The following DYRK1A variants were observed in gnomAD, a reference collection of about 807,000 sequenced individuals.
The protein encoded by DYRK1A is dual specificity tyrosine phosphorylation regulated kinase 1A, also known as dual specificity tyrosine-phosphorylation-regulated kinase 1A.
DYRK1A carries 9 observed loss-of-function variants against 79.7 expected under a neutral mutation model. The ratio of observed to expected loss-of-function variants is 0.11; its 90% CI spans 0.07 to 0.20. The LOEUF (loss-of-function observed/expected upper bound fraction) is 0.20. DYRK1A is among the 10% of genes least tolerant of loss of function. The pLI, the probability that DYRK1A is intolerant of heterozygous loss-of-function variation, is 1.00. For synonymous variants in DYRK1A, 349 were observed against 329.7 expected (o/e 1.06, Z -0.63); for missense variants, 622 against 956.0 (o/e 0.65, Z 4.61).
intron 1 of DYRK1A, among the ~76,000 whole-genome samples, chr21:37,413,857 T>C (rs1397010998): frequency 6.6e-6 from 1 of 152,182 alleles, no homozygotes; most frequent in Non-Finnish European, 1.5e-5. Flanking sequence ...TTCATGGCTC[T>C]TGGTGTTTTC....
intron 1 of DYRK1A, among the ~76,000 whole-genome samples, chr21:37,403,778 T>C (rs11700902): frequency 0.084 from 12,600 of 150,424 alleles, 672 homozygotes; most frequent in Non-Finnish European, 0.11. Context: ...ATGCTTCCCT[T>C]GGAACTTTTG....
At chr21:37,486,694 T>C in intron 6 of DYRK1A, 80 bp downstream of exon 6, 1 of 1,300,888 alleles carries the variant, frequency 7.7e-7, no homozygotes, top group Non-Finnish European at 1.0e-6. Context: ...TATCAAAATA[T>C]TTTGATTTTA....
chr21:37,478,784 A>G (rs2052494592), intron 4 of DYRK1A, among the ~76,000 whole-genome samples: 1 of 152,136 alleles, frequency 6.6e-6, no homozygotes, highest in Non-Finnish European at 1.5e-5. Flanking sequence ...CTGTGATTTT[A>G]TTGTCTTTTA....
chr21:37,505,089 T>C, intron 9 of DYRK1A, 194 bp from the exon 10 acceptor site: 1 of 555,238 alleles, frequency 1.8e-6, no homozygotes. Flanking sequence ...ATTTTTGGTC[T>C]CAGAATTAAT....
intron 5 of DYRK1A, among the ~76,000 whole-genome samples, chr21:37,483,299 G>A (rs1043005646): frequency 5.3e-5 from 8 of 152,228 alleles, no homozygotes; most frequent in East Asian, 1.9e-4. Flanking sequence ...TGGTCCCTCC[G>A]TTTGGGGTCC....
intron 1 of DYRK1A, among the ~76,000 whole-genome samples, chr21:37,401,103 C>T (rs2050044281): frequency 6.6e-6 from 1 of 151,934 alleles, no homozygotes; most frequent in African/African-American, 2.4e-5. Context: ...GAGATCGTGC[C>T]ACTGCACTCC....
chr21:37,402,807 G>A (rs2050077272), intron 1 of DYRK1A, among the ~76,000 whole-genome samples: 1 of 151,970 alleles, frequency 6.6e-6, no homozygotes, highest in Non-Finnish European at 1.5e-5. Context: ...CTGTTGCCCA[G>A]GCTGGAGTGC....
rs755961402 is a variant in DYRK1A at position 37,517,304 on chromosome 21, T to C, written c.*4773T>C. 2 of 152,260 alleles carry C rather than the reference T, an allele frequency of 1.3e-5. No individual in the cohort carries two copies. The highest frequency in any genetic ancestry group is 2.4e-5 in the African/African-American group (1 of 41,440). 9.4% of individuals were successfully genotyped at this position (152,260 alleles called of 1,614,324 possible). On this transcript the variant is annotated 3_prime_UTR_variant, in exon 12 of 12. Transcript: ENST00000647188. ...CAAGTGGAGCCCAGCTCTGTTCGCA[T>C]GGGAGGCCGGGCGATGCTGGCATGG...
intron 1 of DYRK1A, among the ~76,000 whole-genome samples, chr21:37,402,414 C>A (rs1678810991): frequency 6.6e-6 from 1 of 152,100 alleles, no homozygotes; most frequent in Non-Finnish European, 1.5e-5. Flanking sequence ...TGTCTTTTAG[C>A]ACTTTAATGG....
chr21:37,381,322 T>G (rs1433345617), intron 1 of DYRK1A, among the ~76,000 whole-genome samples: 1 of 152,170 alleles, frequency 6.6e-6, no homozygotes, highest in Non-Finnish European at 1.5e-5. Flanking sequence ...TTCTATGTAG[T>G]CAGGAGAAAG....
At chr21:37,371,017 C>G (rs2049418744) in intron 1 of DYRK1A, among the ~76,000 whole-genome samples, 1 of 152,146 alleles carries the variant, frequency 6.6e-6, no homozygotes, top group African/African-American at 2.4e-5. Flanking sequence ...TAATTTATGA[C>G]CCAAAGCTTG....
At chr21:37,510,811 C>T (rs796220433) in intron 11 of DYRK1A, among the ~76,000 whole-genome samples, 2 of 152,102 alleles carry the variant, frequency 1.3e-5, no homozygotes, top group Admixed American at 1.3e-4. Context: ...CTAGCAGTGA[C>T]ACAAGCTTTC....
At chr21:37,446,742 A>C (rs1435550578) in intron 2 of DYRK1A, among the ~76,000 whole-genome samples, 4 of 152,208 alleles carry the variant, frequency 2.6e-5, no homozygotes, top group South Asian at 4.1e-4. Flanking sequence ...ACAGTGAGTT[A>C]GTAGATCTGA....
At chr21:37,428,978 G>C (rs937035738) in intron 2 of DYRK1A, 3 of 152,154 alleles carry the variant, frequency 2.0e-5, no homozygotes, top group Non-Finnish European at 2.9e-5. Context: ...CTCTCTGGTG[G>C]TGAATACCAG....
At chr21:37,508,850 T>G (rs981424004) in intron 11 of DYRK1A, among the ~76,000 whole-genome samples, 5 of 152,224 alleles carry the variant, frequency 3.3e-5, no homozygotes, top group Admixed American at 3.3e-4. Context: ...TATTTATGCT[T>G]CAGGTCTTAA....
chr21:37,490,485 GAATTAAATAGA>G (rs757875103), intron 7 of DYRK1A, 24 bp downstream of exon 7: 70 of 1,591,496 alleles, frequency 4.4e-5, no homozygotes, highest in South Asian at 6.8e-5. Context: ...CAGAACTTGT[GAATTAAATAGA>G]AATTAAATAG....
intron 4 of DYRK1A, among the ~76,000 whole-genome samples, chr21:37,478,626 G>C (rs945871806): frequency 6.6e-6 from 1 of 151,786 alleles, no homozygotes; most frequent in Non-Finnish European, 1.5e-5. Context: ...AGGGGAATAA[G>C]GACTCTAAAA....
intron 1 of DYRK1A, among the ~76,000 whole-genome samples, chr21:37,395,764 A>G (rs2049949796): frequency 6.6e-6 from 1 of 152,182 alleles, no homozygotes; most frequent in African/African-American, 2.4e-5. Context: ...GATTAAAAAG[A>G]AAAACATTCT....
chr21:37,388,370 C>T (rs1170734537), intron 1 of DYRK1A, among the ~76,000 whole-genome samples: 1 of 152,074 alleles, frequency 6.6e-6, no homozygotes, highest in Non-Finnish European at 1.5e-5. Context: ...AGGCATGAGC[C>T]ACCAGCCTGA....
Sources: allele counts gnomAD v4.1 joint callset (sites outside exome capture counted in the v4.1 genomes callset), GRCh38; gene constraint gnomAD v4.1.1; transcripts MANE v1.5; gene names NCBI Gene and HGNC (gene_info 2026-07-23, HGNC 2026-07-21).